Variants in BBS9 observed in about 807,000 individuals in gnomAD.
BBS9 encodes the protein Bardet-Biedl syndrome 9.
In BBS9, 89 loss-of-function variants were observed where a neutral mutation model predicts 117.7. The observed-to-expected ratio is 0.76, with a 90% CI of 0.64 to 0.90. The LOEUF (loss-of-function observed/expected upper bound fraction) is 0.90. Ranked by LOEUF, BBS9 falls within the 40% of genes least tolerant of loss-of-function variation. The pLI is 0.00. For missense variants in BBS9, 982 were observed against 1,042.2 expected (o/e 0.94, Z 0.80); for synonymous variants, 379 against 370.9 (o/e 1.02, Z -0.25).
At chr7:33,468,550 A>G (rs1263685444) in intron 19 of BBS9, among the ~76,000 whole-genome samples, 1 of 152,180 alleles carries the variant, frequency 6.6e-6, no homozygotes, top group Non-Finnish European at 1.5e-5. Flanking sequence ...TCTTCTAGCT[A>G]TCTTGAAATA....
chr7:33,338,054 C>CTCA (rs1563022215), intron 10 of BBS9, among the ~76,000 whole-genome samples: 1 of 151,846 alleles, frequency 6.6e-6, no homozygotes, highest in African/African-American at 2.4e-5. Flanking sequence ...TTGTCATTAC[C>CTCA]TTGATCCTTC....
chr7:33,631,963 T>C (rs1215942161), intron 21 of BBS9, among the ~76,000 whole-genome samples: 1 of 152,194 alleles, frequency 6.6e-6, no homozygotes, highest in African/African-American at 2.4e-5. Flanking sequence ...GTGCGTAGAA[T>C]GGAATAAATT....
At chr7:33,208,472 T>G (rs1238463397) in intron 5 of BBS9, among the ~76,000 whole-genome samples, 1 of 152,222 alleles carries the variant, frequency 6.6e-6, no homozygotes, top group Admixed American at 6.5e-5. Context: ...TTGAGAATTT[T>G]TGCATTTATT....
chr7:33,482,348 T>C (rs1304045604), intron 19 of BBS9, among the ~76,000 whole-genome samples: 1 of 152,168 alleles, frequency 6.6e-6, no homozygotes, highest in East Asian at 1.9e-4. Context: ...TGTATCCCAC[T>C]GTGATTGGTT....
intron 21 of BBS9, among the ~76,000 whole-genome samples, chr7:33,571,473 A>C (rs906429561): frequency 6.6e-6 from 1 of 152,086 alleles, no homozygotes; most frequent in African/African-American, 2.4e-5. Context: ...AGTTTGCTGA[A>C]AGTTCTTACC....
intron 1 of BBS9, among the ~76,000 whole-genome samples, chr7:33,133,987 G>C (rs1460443975): frequency 6.6e-6 from 1 of 152,148 alleles, no homozygotes; most frequent in Non-Finnish European, 1.5e-5. Flanking sequence ...CTTCGATTCT[G>C]TCATAGTAGG....
chr7:33,614,689 G>T (rs757402208), intron 21 of BBS9, among the ~76,000 whole-genome samples: 1 of 152,030 alleles, frequency 6.6e-6, no homozygotes, highest in East Asian at 1.9e-4. Context: ...GCCCAGAGTG[G>T]ACAGGTCTGA....
intron 8 of BBS9, 63 bp from the exon 9 acceptor site, chr7:33,273,764 A>G (rs1399346607): frequency 6.8e-7 from 1 of 1,480,532 alleles, no homozygotes; most frequent in Non-Finnish European, 9.4e-7. Flanking sequence ...ATTTCCTAAA[A>G]GAGATATACT....
chr7:33,166,928 T>C (rs532121071), intron 4 of BBS9, among the ~76,000 whole-genome samples: 1 of 152,152 alleles, frequency 6.6e-6, no homozygotes, highest in Non-Finnish European at 1.5e-5. Context: ...ACCAGGTAGC[T>C]CAGTTGGAAA....
At position 33,264,495 on chromosome 7, in the gene BBS9, A is replaced by G. The variant is rs7810388; in HGVS notation, c.702+121A>G. On this transcript the variant is annotated intron_variant, in intron 7 of 22. Transcript: ENST00000242067. ...ATATGTCAGCCATTCTCTTTCCTAT[A>G]TTATGGTTATATTAATGACCTAAGA... 0.17 allele frequency: 100,081 copies of G among 587,294 alleles called. 9,296 individuals are homozygous for G. Among genetic ancestry groups the G allele is most frequent in the South Asian group, 0.19 (6,486 of 33,516 alleles). 36.4% of individuals were successfully genotyped at this position (587,294 alleles called of 1,614,324 possible).
chr7:33,391,018 A>G (rs1826981664), intron 19 of BBS9, among the ~76,000 whole-genome samples: 1 of 152,212 alleles, frequency 6.6e-6, no homozygotes, highest in Non-Finnish European at 1.5e-5. Flanking sequence ...AGTATGGACA[A>G]TCACAGTTTA....
At chr7:33,294,079 T>A (rs1284241945) in intron 9 of BBS9, among the ~76,000 whole-genome samples, 1 of 152,202 alleles carries the variant, frequency 6.6e-6, no homozygotes, top group Non-Finnish European at 1.5e-5. Flanking sequence ...GCATTGTGAA[T>A]CTTAGTCTAA....
At chr7:33,348,987 AGTTAT>A in intron 12 of BBS9, 76 bp from the exon 13 acceptor site, 1 of 954,554 alleles carries the variant, frequency 1.0e-6, no homozygotes, top group Non-Finnish European at 1.7e-6. Context: ...ATTATTTGCT[AGTTAT>A]GTTTAAGTAG....
chr7:33,318,880 G>A (rs1475409710), intron 9 of BBS9, among the ~76,000 whole-genome samples: 2 of 152,124 alleles, frequency 1.3e-5, no homozygotes, highest in African/African-American at 2.4e-5. Flanking sequence ...TAATAGTCTC[G>A]AGAGCTGGGC....
intron 21 of BBS9, among the ~76,000 whole-genome samples, chr7:33,563,677 C>T (rs1381082256): frequency 2.0e-5 from 3 of 152,124 alleles, no homozygotes; most frequent in Non-Finnish European, 2.9e-5. Context: ...AAAATTGATT[C>T]TCAGGTGAAT....
At chr7:33,217,642 A>G (rs1789336405) in intron 5 of BBS9, among the ~76,000 whole-genome samples, 1 of 152,278 alleles carries the variant, frequency 6.6e-6, no homozygotes, top group African/African-American at 2.4e-5. Flanking sequence ...CCATGCTGAG[A>G]TAACACTAGC....
chr7:33,232,192 CTA>C (rs1471387505), intron 5 of BBS9, among the ~76,000 whole-genome samples: 1 of 151,992 alleles, frequency 6.6e-6, no homozygotes, highest in East Asian at 1.9e-4. Flanking sequence ...GAGGAAGTGA[CTA>C]TTATAGCAAT....
At chr7:33,564,433 T>C (rs1045910158) in intron 21 of BBS9, among the ~76,000 whole-genome samples, 1 of 152,206 alleles carries the variant, frequency 6.6e-6, no homozygotes, top group African/African-American at 2.4e-5. Flanking sequence ...TTTGAGTAAG[T>C]AACTTAACCT....
chr7:33,542,020 AAAG>A (rs1274731529), intron 21 of BBS9, among the ~76,000 whole-genome samples: 1 of 152,212 alleles, frequency 6.6e-6, no homozygotes. Flanking sequence ...AGGTGAACTA[AAAG>A]AAGAAAATTT....
Sources: allele counts gnomAD v4.1 joint callset (sites outside exome capture counted in the v4.1 genomes callset), GRCh38; gene constraint gnomAD v4.1.1; transcripts MANE v1.5; gene names NCBI Gene and HGNC (gene_info 2026-07-23, HGNC 2026-07-21).